The following SYT17 variants were observed in gnomAD, a reference collection of about 807,000 sequenced individuals.
The protein encoded by SYT17 is synaptotagmin-17.
SYT17 carries 22 observed loss-of-function variants against 46.7 expected under a neutral mutation model. That is an observed-to-expected ratio of 0.47 (90% CI 0.34 to 0.67). SYT17 has a LOEUF of 0.67. Among genes scored for constraint, SYT17 ranks in the 30% least tolerant of loss-of-function variants. SYT17 has a pLI of 0.01. For synonymous variants in SYT17, 251 were observed against 248.4 expected (o/e 1.01, Z -0.10); for missense variants, 519 against 612.8 (o/e 0.85, Z 1.62).
In SYT17 at chr16:19,197,411, G is replaced by GT. The variant is rs1321000580; in HGVS notation, c.951+13272dup. Among the ~76,000 whole-genome samples, 15 of 144,856 alleles carry GT rather than the reference G, an allele frequency of 1.0e-4. No homozygotes were observed. The East Asian group carries it at 1.8e-3, about 17-fold the overall frequency. ...CAGGGCCTCTAAAGAAAGAGGACAGGTTTTTTTTGTTTTGTTTTGTTTGTT... is the reference window on the plus strand; with the variant it reads ...CAGGGCCTCTAAAGAAAGAGGACAGGTTTTTTTTTGTTTTGTTTTGTTTGTT... On this transcript the variant is annotated intron_variant, in intron 5 of 7. Transcript: ENST00000355377.
chr16:19,248,676 G>C (rs978993438), intron 7 of SYT17, among the ~76,000 whole-genome samples: 2 of 152,222 alleles, frequency 1.3e-5, no homozygotes, highest in East Asian at 3.9e-4. Context: ...CAAAAAATTA[G>C]CTGGGCATGG....
chr16:19,215,068 A>G (rs1485421079), intron 5 of SYT17, among the ~76,000 whole-genome samples: 1 of 152,228 alleles, frequency 6.6e-6, no homozygotes, highest in African/African-American at 2.4e-5. Flanking sequence ...GATTACAGGC[A>G]TGAGCCACCG....
chr16:19,259,619 T>C (rs1038570502), intron 7 of SYT17, among the ~76,000 whole-genome samples: 1 of 152,212 alleles, frequency 6.6e-6, no homozygotes, highest in Non-Finnish European at 1.5e-5. Flanking sequence ...AAATAGGTTC[T>C]TAGAGAAAGC....
intron 5 of SYT17, among the ~76,000 whole-genome samples, chr16:19,209,557 G>A (rs1221737278): frequency 3.3e-5 from 5 of 152,090 alleles, no homozygotes; most frequent in Admixed American, 6.6e-5. Flanking sequence ...ATGGAGGAAG[G>A]GCATTGCACT....
At chr16:19,213,787 C>T (rs572490301) in intron 5 of SYT17, among the ~76,000 whole-genome samples, 2 of 152,286 alleles carry the variant, frequency 1.3e-5, no homozygotes, top group African/African-American at 4.8e-5. Context: ...ACCTCAGCCT[C>T]CCGAGTAGTT....
intron 7 of SYT17, among the ~76,000 whole-genome samples, chr16:19,241,606 C>A (rs1489530231): frequency 6.6e-6 from 1 of 152,200 alleles, no homozygotes; most frequent in Non-Finnish European, 1.5e-5. Flanking sequence ...GACTGCATTG[C>A]TCTCCCACTG....
rs1964680108 is a variant in SYT17, at chr16:19,184,102, G to A, written c.906G>A (p.Leu302=). 6.2e-7 allele frequency: 1 copy of A among 1,614,068 alleles called. No homozygotes were observed. The highest frequency in any genetic ancestry group is 1.7e-5 in the Admixed American group (1 of 60,000). The change falls in exon 5 of 8, where the codon CTG becomes CTA. Residue 302 remains leucine, a synonymous_variant. Transcript: ENST00000355377. ...KVSVPLCEVD[L]VKGGHWWKAL... ...CTGTGCCTTTGTGTGAAGTTGACCT[G>A]GTCAAGGGCGGGCACTGGTGGAAGG...
Position 19,173,422 on chromosome 16 carries a change from G to A in SYT17, c.34-8G>A. On this transcript the variant is annotated splice_region_variant and splice_polypyrimidine_tract_variant and intron_variant, in intron 2 of 7. Coordinates refer to ENST00000355377, the MANE Select transcript of SYT17 (RefSeq NM_016524.4). ...CATCCCCCCGCCCACCTCCCCCAAT[G>A]GCCTCAGGGTTTTCTTTCTAGAATC... 1 of 746,922 alleles carries A rather than the reference G, an allele frequency of 1.3e-6. No homozygotes were observed. The highest frequency in any genetic ancestry group is 1.9e-6 in the Non-Finnish European group (1 of 527,514). 46.3% of individuals were successfully genotyped at this position (746,922 alleles called of 1,614,324 possible).
Position 19,168,560 on chromosome 16 carries a change from T to TTGCTTTCTTCCCCCTC in SYT17, c.-86_-71dup. 6.5e-7 allele frequency: 1 copy of TTGCTTTCTTCCCCCTC among 1,533,244 alleles called. No homozygotes were observed. The highest frequency in any genetic ancestry group is 1.2e-5 in the South Asian group (1 of 83,604). 95.0% of individuals were successfully genotyped at this position (1,533,244 alleles called of 1,614,324 possible). A position where few individuals can be genotyped will look rare whatever the true frequency, so the allele number is the denominator to read the frequency against. On this transcript the variant is annotated 5_prime_UTR_variant, in exon 1 of 8. Coordinates refer to ENST00000355377, the MANE Select transcript of SYT17 (RefSeq NM_016524.4). The surrounding 1 kb of genome is among the most constrained non-coding windows in gnomAD (Gnocchi z 6.9). ...GCTGCCTTTTTCTTCCTTTCCCCCT[T>TTGCTTTCTTCCCCCTC]TGCTTTCTTCCCCCTCCGCTGTTGG...
At chr16:19,209,151 G>A (rs1214197337) in intron 5 of SYT17, among the ~76,000 whole-genome samples, 8 of 151,786 alleles carry the variant, frequency 5.3e-5, no homozygotes, top group Non-Finnish European at 1.0e-4. Flanking sequence ...TTACAGGCGC[G>A]AGCCACTGCA....
chr16:19,212,200 C>T lies in SYT17; in HGVS notation c.952-10845C>T, dbSNP rs377515497. Among the ~76,000 whole-genome samples, 10 of 152,244 alleles carry T rather than the reference C, an allele frequency of 6.6e-5. No individual in the cohort carries two copies. In the East Asian group the frequency reaches 1.2e-3, roughly 18 times the overall value. ...AGAGATGCTGCTAAACTTCCTGTAG[C>T]GCACAGGACAGCTCCCACAACACAG... On this transcript the variant is annotated intron_variant, in intron 5 of 7. Coordinates refer to ENST00000355377, the MANE Select transcript of SYT17 (RefSeq NM_016524.4).
At chr16:19,195,993 A>C (rs1965226895) in intron 5 of SYT17, among the ~76,000 whole-genome samples, 1 of 152,036 alleles carries the variant, frequency 6.6e-6, no homozygotes, top group African/African-American at 2.4e-5. Context: ...TCAAAAGAAA[A>C]AACCCACCAA....
chr16:19,185,783 G>A (rs1964762394), intron 5 of SYT17, among the ~76,000 whole-genome samples: 1 of 152,188 alleles, frequency 6.6e-6, no homozygotes, highest in African/African-American at 2.4e-5. Flanking sequence ...CGAGGGCCTG[G>A]CGGGTGGCGA....
chr16:19,221,703 AT>A (rs2142862072), intron 5 of SYT17, among the ~76,000 whole-genome samples: 1 of 152,324 alleles, frequency 6.6e-6, no homozygotes, highest in African/African-American at 2.4e-5. Flanking sequence ...TTTGGCATTA[AT>A]TTGTTGAAAT....
Position 19,184,018 on chromosome 16 carries a change from G to A in SYT17, c.822G>A (p.Leu274=), listed in dbSNP as rs75241864. ...IPFLEAQRRT[L]LLTVVDFDKF... Reference sequence around the variant, plus strand: ...TCCTGGAGGCCCAGAGGAGGACCCTGCTCCTGACCGTGGTGGATTTTGATA... The same window carrying A: ...TCCTGGAGGCCCAGAGGAGGACCCTACTCCTGACCGTGGTGGATTTTGATA... The change falls in exon 5 of 8, where the codon CTG becomes CTA. Residue 274 remains leucine, a synonymous_variant. Coordinates refer to ENST00000355377, the MANE Select transcript of SYT17 (RefSeq NM_016524.4). 1.5e-3 allele frequency: 2,389 copies of A among 1,614,078 alleles called. 22 individuals carry two copies. In the African/African-American group the frequency reaches 0.025, roughly 17 times the overall value.
intron 5 of SYT17, among the ~76,000 whole-genome samples, chr16:19,199,986 A>C (rs1271720178): frequency 6.6e-6 from 1 of 152,242 alleles, no homozygotes; most frequent in African/African-American, 2.4e-5. Context: ...CCTATTGTAC[A>C]GATAAGAAAA....
intron 5 of SYT17, among the ~76,000 whole-genome samples, chr16:19,219,995 T>A (rs1410505655): frequency 6.6e-6 from 1 of 152,180 alleles, no homozygotes; most frequent in Non-Finnish European, 1.5e-5. Flanking sequence ...AGAGTAGATG[T>A]GTCAGCAGGG....
intron 7 of SYT17, among the ~76,000 whole-genome samples, chr16:19,242,062 G>C (rs1279163373): frequency 6.6e-6 from 1 of 152,096 alleles, no homozygotes. Flanking sequence ...TCAAACCCTG[G>C]TCATCTGGAC....
chr16:19,240,483 C>T (rs926596088), intron 7 of SYT17, among the ~76,000 whole-genome samples: 1 of 152,216 alleles, frequency 6.6e-6, no homozygotes, highest in Non-Finnish European at 1.5e-5. Flanking sequence ...TACCCATCGT[C>T]TCTCTGTTCT....
Sources: allele counts gnomAD v4.1 joint callset (sites outside exome capture counted in the v4.1 genomes callset), GRCh38; gene constraint gnomAD v4.1.1; non-coding constraint Gnocchi (gnomAD v3.1); transcripts MANE v1.5; gene names NCBI Gene and HGNC (gene_info 2026-07-23, HGNC 2026-07-21).